The following MROH7 variants were observed in gnomAD, a reference collection of about 807,000 sequenced individuals.
MROH7 encodes the protein maestro heat-like repeat-containing protein family member 7.
Under a neutral mutation model 129.2 loss-of-function variants are expected in MROH7, and 113 were observed. That is an observed-to-expected ratio of 0.87 (90% CI 0.75 to 1.02). The LOEUF (loss-of-function observed/expected upper bound fraction) is 1.02. Among genes scored for constraint, MROH7 ranks in the 50% least tolerant of loss-of-function variants. The pLI is 0.00. For missense variants in MROH7, 1,601 were observed against 1,671.3 expected, an observed-to-expected ratio of 0.96 and a Z score of 0.73; for synonymous variants, 655 against 667.9, an observed-to-expected ratio of 0.98 and a Z score of 0.30.
intron 13 of MROH7, among the ~76,000 whole-genome samples, 190 bp from the exon 14 acceptor site, chr1:54,682,466 C>T (rs1043964077): frequency 2.0e-5 from 3 of 152,162 alleles, no homozygotes; most frequent in African/African-American, 7.2e-5. Context: ...CCATGCCCAC[C>T]AAGGAAATAG....
chr1:54,695,847 G>T lies in MROH7; in HGVS notation c.2964+357G>T, dbSNP rs1380069382. On this transcript the variant is annotated intron_variant, in intron 17 of 23. Transcript: ENST00000421030. ...GAGGACACCCCAGTTATAACAGGGG[G>T]TGATACCAGTGAGTGATTTGTACTA... The T allele has an allele frequency of 2.3e-5, 8 of 350,284 alleles. No individual in the cohort carries two copies. The East Asian group carries it at 3.0e-4, about 13-fold the overall frequency. 21.7% of individuals were successfully genotyped at this position (350,284 alleles called of 1,614,324 possible).
At chr1:54,660,816 CAGAAAAAAAAGAAAAA>C (rs1644720487) in intron 3 of MROH7, among the ~76,000 whole-genome samples, 2 of 148,562 alleles carry the variant, frequency 1.3e-5, no homozygotes, top group South Asian at 2.1e-4. Flanking sequence ...ACTCCATCTC[CAGAAAAAAAAGAAAAA>C]AGAAAAAAAA....
At chr1:54,670,362 T>C (rs1644877732) in intron 5 of MROH7, 135 bp from the exon 6 acceptor site, 1 of 663,974 alleles carries the variant, frequency 1.5e-6, no homozygotes, top group Non-Finnish European at 2.7e-6. Flanking sequence ...CCCAGTTACT[T>C]GGGAAGCTGA....
intron 17 of MROH7, chr1:54,699,167 C>CTTTCT (rs1645386364): frequency 1.8e-5 from 2 of 113,086 alleles, no homozygotes; most frequent in African/African-American, 7.0e-5. Flanking sequence ...TCTTTTCTTT[C>CTTTCT]TTTCTTTCTT....
rs374533150 is a variant in MROH7, at chr1:54,653,982, G to A, written c.1056G>A (p.Thr352=). The change falls in exon 3 of 24, where the codon ACG becomes ACA. Residue 352 remains threonine (T), a synonymous_variant. Coordinates refer to ENST00000421030, the MANE Select transcript of MROH7 (RefSeq NM_001039464.4). ...SLLFSDTSTL[T]LSSQQDDAKD... ...TGTTCAGCGACACCTCCACCTTGAC[G>A]CTGAGCAGTCAGCAGGATGATGCCA... The A allele has an allele frequency of 8.5e-5, 137 of 1,614,084 alleles. No individual in the cohort carries two copies. The highest frequency in any genetic ancestry group is 1.1e-4 in the Non-Finnish European group (129 of 1,180,042).
At chr1:54,647,947 A>C (rs1468620350) in intron 1 of MROH7, among the ~76,000 whole-genome samples, 1 of 151,410 alleles carries the variant, frequency 6.6e-6, no homozygotes, top group African/African-American at 2.4e-5. Context: ...ATAGGAGTTC[A>C]ACTTCATTCT....
At chr1:54,680,306 C>G (rs1026480374) in intron 13 of MROH7, among the ~76,000 whole-genome samples, 2 of 152,198 alleles carry the variant, frequency 1.3e-5, no homozygotes, top group East Asian at 1.9e-4. Context: ...AGTTTCTTGC[C>G]TTAGGTACTC....
At chr1:54,694,348 G>C (rs1468127213) in intron 16 of MROH7, among the ~76,000 whole-genome samples, 1 of 152,220 alleles carries the variant, frequency 6.6e-6, no homozygotes, top group Non-Finnish European at 1.5e-5. Flanking sequence ...ATTCACTGAT[G>C]GTGGAGCATA....
rs1435837073 is a variant in MROH7, at chr1:54,703,900, G to C, written c.3564+1155G>C. 6.6e-6 allele frequency among the ~76,000 whole-genome samples: 1 copy of C among 152,132 alleles called. No homozygotes were observed. Among genetic ancestry groups the C allele is most frequent in the Non-Finnish European group, 1.5e-5 (1 of 68,024 alleles). ...CACTGCCACGAGATTCCCAAATTTG[G>C]CCTGGGGGTCAGGTCTGTACACTCC... On this transcript the variant is annotated intron_variant, in intron 21 of 23. Coordinates refer to ENST00000421030, the MANE Select transcript of MROH7 (RefSeq NM_001039464.4). The surrounding 1 kb of genome is among the most constrained non-coding windows in gnomAD (Gnocchi z 4.4).
At chr1:54,644,838 T>C (rs1288698474) in intron 1 of MROH7, among the ~76,000 whole-genome samples, 1 of 150,144 alleles carries the variant, frequency 6.7e-6, no homozygotes, top group Non-Finnish European at 1.5e-5. Flanking sequence ...AGTCGCACTC[T>C]GTCATCCAGG....
Position 54,703,915 on chromosome 1 carries a change from C to CT in MROH7, c.3564+1171dup, listed in dbSNP as rs1228524086. 6.6e-6 allele frequency among the ~76,000 whole-genome samples: 1 copy of CT among 152,160 alleles called. No individual in the cohort carries two copies. Among genetic ancestry groups the CT allele is most frequent in the Non-Finnish European group, 1.5e-5 (1 of 68,024 alleles). On this transcript the variant is annotated intron_variant, in intron 21 of 23. Transcript: ENST00000421030. This position sits in a 1 kb window ranked among gnomAD's most constrained non-coding sequence, Gnocchi z 4.4. Reference sequence around the variant, plus strand: ...CCCAAATTTGGCCTGGGGGTCAGGTCTGTACACTCCTGTGTTCATCTGTCA... The same window carrying CT: ...CCCAAATTTGGCCTGGGGGTCAGGTCTTGTACACTCCTGTGTTCATCTGTCA...
chr1:54,647,895 ACT>A (rs1210412189), intron 1 of MROH7, among the ~76,000 whole-genome samples: 1 of 118,912 alleles, frequency 8.4e-6, no homozygotes, highest in Non-Finnish European at 1.7e-5. Flanking sequence ...ACAGAGTGAG[ACT>A]CCATCTCAAA....
chr1:54,700,526 C>T, intron 18 of MROH7, 65 bp downstream of exon 18: 3 of 1,492,158 alleles, frequency 2.0e-6, no homozygotes, highest in Non-Finnish European at 2.7e-6. Context: ...GACAGAGCTT[C>T]ACCATTATAG....
At chr1:54,650,350 T>A (rs1025055582) in intron 1 of MROH7, among the ~76,000 whole-genome samples, 3 of 152,168 alleles carry the variant, frequency 2.0e-5, no homozygotes, top group Non-Finnish European at 4.4e-5. Flanking sequence ...GCTATAAAGA[T>A]ACACAGCAAA....
At chr1:54,673,835 C>T in intron 9 of MROH7, 30 bp downstream of exon 9, 1 of 1,587,716 alleles carries the variant, frequency 6.3e-7, no homozygotes, top group Non-Finnish European at 8.6e-7. Context: ...GGTGGACACT[C>T]TTAGGGAAAA....
At chr1:54,655,654 A>C (rs555598860) in intron 3 of MROH7, among the ~76,000 whole-genome samples, 1 of 152,134 alleles carries the variant, frequency 6.6e-6, no homozygotes, top group East Asian at 1.9e-4. Context: ...CTCTGGGACT[A>C]CTACAGGCAT....
In MROH7 at chr1:54,686,461, C is replaced by T. The variant is rs763933029; in HGVS notation, c.2711+13C>T. ...TCGTACCTGTGCGGTATGCTCTGCC[C>T]TCTCTCTTGACCCTGCTGTCCCCGG... On this transcript the variant is annotated intron_variant, in intron 15 of 23. Transcript: ENST00000421030. 3 of 1,612,286 alleles carry T rather than the reference C, an allele frequency of 1.9e-6. No individual in the cohort carries two copies. The highest frequency in any genetic ancestry group is 8.5e-7 in the Non-Finnish European group (1 of 1,179,214).
chr1:54,674,444 A>G (rs1385327232), intron 10 of MROH7, among the ~76,000 whole-genome samples: 1 of 152,148 alleles, frequency 6.6e-6, no homozygotes. Context: ...ATGTATACCT[A>G]AGGATAATTC....
intron 19 of MROH7, among the ~76,000 whole-genome samples, chr1:54,701,539 T>C (rs1009748977): frequency 6.6e-6 from 1 of 152,036 alleles, no homozygotes; most frequent in Non-Finnish European, 1.5e-5. Context: ...CACAATCGAG[T>C]CTCCCCAGAA....
Sources: allele counts gnomAD v4.1 joint callset (sites outside exome capture counted in the v4.1 genomes callset), GRCh38; gene constraint gnomAD v4.1.1; non-coding constraint Gnocchi (gnomAD v3.1); transcripts MANE v1.5; gene names NCBI Gene and HGNC (gene_info 2026-07-23, HGNC 2026-07-21).